The following MYEF2 variants were observed in gnomAD, a reference collection of about 807,000 sequenced individuals.
The protein encoded by MYEF2 is myelin gene expression factor 2.
In MYEF2, 37 loss-of-function variants were observed where a neutral mutation model predicts 75.2. The ratio of observed to expected loss-of-function variants is 0.49; its 90% CI spans 0.38 to 0.65. The LOEUF is 0.65. Ranked by LOEUF, MYEF2 falls within the 30% of genes least tolerant of loss-of-function variation. The probability of loss-of-function intolerance (pLI) is 0.00; values close to 1 mark genes in which losing one functional copy is unlikely to be tolerated. For missense variants in MYEF2, 634 were observed against 771.4 expected (o/e 0.82, Z 2.11); for synonymous variants, 195 against 241.6 (o/e 0.81, Z 1.79).
At position 48,138,809 on chromosome 15, in the gene MYEF2, C is replaced by A. The variant is rs527404944; in HGVS notation, c.*4099G>T. ...TCTGCCCTAAAGTTTCAATTAGTTT[C>A]TTTTCACCAGCAATATCAGTAATGA... On this transcript the variant is annotated 3_prime_UTR_variant, in exon 17 of 17. Coordinates refer to ENST00000324324, the MANE Select transcript of MYEF2 (RefSeq NM_016132.5). 4 of 594,716 alleles carry A rather than the reference C, an allele frequency of 6.7e-6. No individual in the cohort carries two copies. Among genetic ancestry groups the A allele is most frequent in the South Asian group, 2.3e-5 (1 of 43,682 alleles). 36.8% of individuals were successfully genotyped at this position (594,716 alleles called of 1,614,324 possible).
chr15:48,147,662 T>C (rs1391332375), intron 16 of MYEF2, among the ~76,000 whole-genome samples: 1 of 151,984 alleles, frequency 6.6e-6, no homozygotes, highest in Admixed American at 6.6e-5. Context: ...GTGGTGACTA[T>C]TAACCAGTTA....
At chr15:48,158,307 TC>T (rs759871314) in intron 7 of MYEF2, 83 bp from the exon 8 acceptor site, 10 of 1,293,148 alleles carry the variant, frequency 7.7e-6, no homozygotes, top group Non-Finnish European at 1.1e-5. Context: ...AATCTTAGAG[TC>T]CAACTCTCTG....
intron 5 of MYEF2, chr15:48,162,755 G>A (rs969114958): frequency 1.3e-5 from 2 of 152,076 alleles, no homozygotes; most frequent in African/African-American, 4.8e-5. Context: ...GGTGATCTGT[G>A]ATCAGTGATC....
At chr15:48,148,277 T>A (rs2039366056) in intron 16 of MYEF2, among the ~76,000 whole-genome samples, 1 of 152,082 alleles carries the variant, frequency 6.6e-6, no homozygotes, top group South Asian at 2.1e-4. Flanking sequence ...ACATGAATTC[T>A]CTCATTATTG....
rs766553476 is a variant in MYEF2, at chr15:48,178,103, G to GTGC, written c.132_134dup (p.Gln44dup). On this transcript the variant is annotated inframe_insertion, in exon 1 of 17. Transcript: ENST00000324324. ...TTTTAACGCCATTGGAGCTGCTGCT[G>GTGC]TGCTGCGGCTGCTGCTTCTCCGCCT... The GTGC allele has an allele frequency of 6.3e-7, 1 of 1,598,710 alleles. No homozygotes were observed. Among genetic ancestry groups the GTGC allele is most frequent in the Non-Finnish European group, 8.5e-7 (1 of 1,173,320 alleles).
intron 7 of MYEF2, 28 bp from the exon 8 acceptor site, chr15:48,158,252 T>C (rs202221633): frequency 1.2e-5 from 19 of 1,603,372 alleles, no homozygotes; most frequent in Non-Finnish European, 1.6e-5. Flanking sequence ...GAAAGTCAGT[T>C]AAGATAACTA....
chr15:48,176,696 C>T (rs1240430841), intron 1 of MYEF2, among the ~76,000 whole-genome samples: 1 of 152,174 alleles, frequency 6.6e-6, no homozygotes, highest in Non-Finnish European at 1.5e-5. Context: ...ATGAATAGCA[C>T]ATATTTTTAA....
At chr15:48,171,219 T>C (rs1199596130) in intron 1 of MYEF2, among the ~76,000 whole-genome samples, 2 of 152,222 alleles carry the variant, frequency 1.3e-5, no homozygotes, top group African/African-American at 2.4e-5. Context: ...CTTAGATGAA[T>C]TCAGTGAATG....
chr15:48,142,189 T>C lies in MYEF2; in HGVS notation c.*719A>G. On this transcript the variant is annotated 3_prime_UTR_variant, in exon 17 of 17. Coordinates refer to ENST00000324324, the MANE Select transcript of MYEF2 (RefSeq NM_016132.5). The stretch of plus-strand genomic sequence containing the variant: ...CTTACATAACCATCTCTCTCAACAT[T>C]TCAATTATTTTTCTTTTTTTAGCAG... 1 of 1,613,810 alleles carries C rather than the reference T, an allele frequency of 6.2e-7. No individual in the cohort carries two copies. The highest frequency in any genetic ancestry group is 8.5e-7 in the Non-Finnish European group (1 of 1,179,888).
At chr15:48,152,075 C>A (rs558888559) in intron 11 of MYEF2, 133 bp from the exon 12 acceptor site, 2 of 1,149,718 alleles carry the variant, frequency 1.7e-6, no homozygotes, top group African/African-American at 3.1e-5. Context: ...AACACATCAC[C>A]TTCCTTTAAG....
intron 16 of MYEF2, among the ~76,000 whole-genome samples, chr15:48,144,050 G>A (rs1472321841): frequency 6.6e-6 from 1 of 151,946 alleles, no homozygotes; most frequent in East Asian, 1.9e-4. Context: ...CCCACTAGAT[G>A]TACATGTCAA....
chr15:48,149,372 C>T lies in MYEF2; in HGVS notation c.1379-1G>A. ...CTGTTCATGCTACCCATTCCACCAC[C>T]TGGATTTTCAAGAAAGGACGGGGGG... On this transcript the variant is annotated splice_acceptor_variant, in intron 14 of 16. Coordinates refer to ENST00000324324, the MANE Select transcript of MYEF2 (RefSeq NM_016132.5). LOFTEE classifies it high-confidence loss of function. This position sits in a 1 kb window ranked among gnomAD's most constrained non-coding sequence, Gnocchi z 4.0. The T allele has an allele frequency of 6.2e-7, 1 of 1,612,038 alleles. No homozygotes were observed.
At chr15:48,151,792 C>T (rs2039500964) in intron 12 of MYEF2, 82 bp downstream of exon 12, 4 of 1,496,682 alleles carry the variant, frequency 2.7e-6, no homozygotes, top group East Asian at 2.3e-5. Flanking sequence ...TTTTAGCACA[C>T]ATTCCTAAGT....
At chr15:48,157,056 A>G (rs1462838922) in intron 9 of MYEF2, 1 of 152,110 alleles carries the variant, frequency 6.6e-6, no homozygotes, top group African/African-American at 2.4e-5. Context: ...TATATGAGTA[A>G]TTTTACTTTT....
intron 12 of MYEF2, 110 bp downstream of exon 12, chr15:48,151,764 T>C: frequency 7.6e-7 from 1 of 1,319,206 alleles, no homozygotes; most frequent in Admixed American, 1.7e-5. Flanking sequence ...CTAGTGCCTA[T>C]ATGCCTTCTG....
In MYEF2 at chr15:48,151,946, T is replaced by G. The variant is rs760708977; in HGVS notation, c.1139-4A>C. 59 of 1,612,564 alleles carry G rather than the reference T, an allele frequency of 3.7e-5. No individual in the cohort carries two copies. Among genetic ancestry groups the G allele is most frequent in the Non-Finnish European group, 4.6e-5 (54 of 1,178,840 alleles). ...TCCAGACCACCAAACCCTATTCCTA[T>G]GGAATAAAGATTAATTTTGAGATCC... On this transcript the variant is annotated splice_region_variant and splice_polypyrimidine_tract_variant and intron_variant, in intron 11 of 16. Transcript: ENST00000324324.
rs767215449 is a variant in MYEF2 at position 48,136,598 on chromosome 15, A to G, written c.*6310T>C. On this transcript the variant is annotated 3_prime_UTR_variant, in exon 17 of 17. Transcript: ENST00000324324. ...GTTCTATGGCTACTTTTGTTAGAAA[A>G]TCATTCAATAGATACTGCCCAAAAG... 3.7e-5 allele frequency: 47 copies of G among 1,272,984 alleles called. No individual in the cohort carries two copies. Among genetic ancestry groups the G allele is most frequent in the Non-Finnish European group, 5.0e-5 (46 of 924,278 alleles). The allele number at this position is 1,272,984 out of a possible 1,614,324, so 78.9% of individuals were successfully genotyped here. A position where few individuals can be genotyped will look rare whatever the true frequency, so the allele number is the denominator to read the frequency against.
At chr15:48,175,074 G>T (rs2040470288) in intron 1 of MYEF2, among the ~76,000 whole-genome samples, 1 of 152,024 alleles carries the variant, frequency 6.6e-6, no homozygotes, top group Non-Finnish European at 1.5e-5. Flanking sequence ...AAGGAAACAT[G>T]ATATATATTA....
rs1232083179 is a variant in MYEF2 at position 48,157,690 on chromosome 15, A to C, written c.985+303T>G. The C allele has an allele frequency of 5.2e-6, 5 of 955,306 alleles. No individual in the cohort carries two copies. The East Asian group carries it at 2.0e-4, about 38-fold the overall frequency. 59.2% of individuals were successfully genotyped at this position (955,306 alleles called of 1,614,324 possible). A position where few individuals can be genotyped will look rare whatever the true frequency, so the allele number is the denominator to read the frequency against. The stretch of plus-strand genomic sequence containing the variant: ...GAAAATACACAAAAATGTTATAATG[A>C]GGTTACCCACAGATGGTGAAATTAC... On this transcript the variant is annotated intron_variant, in intron 9 of 16. Coordinates refer to ENST00000324324, the MANE Select transcript of MYEF2 (RefSeq NM_016132.5).
Sources: gnomAD v4.1 joint callset for allele counts (sites outside exome capture counted in the v4.1 genomes callset) on GRCh38, gnomAD v4.1.1 for gene constraint, Gnocchi (gnomAD v3.1) non-coding constraint, MANE v1.5 for transcripts, NCBI Gene and HGNC (gene_info 2026-07-23, HGNC 2026-07-21) for gene names.